ZMAT4: variants seen among roughly 807,000 people sequenced by gnomAD.
The protein encoded by ZMAT4 is zinc finger matrin-type 4.
ZMAT4 carries 17 observed loss-of-function variants against 28.7 expected under a neutral mutation model. The ratio of observed to expected loss-of-function variants is 0.59; its 90% CI spans 0.41 to 0.89. The LOEUF (loss-of-function observed/expected upper bound fraction) is 0.89, where lower values mean the gene tolerates loss of function less well. Among genes scored for constraint, ZMAT4 ranks in the 40% least tolerant of loss-of-function variants. ZMAT4 has a pLI of 0.00. For missense variants in ZMAT4, 240 were observed against 283.8 expected (o/e 0.85, Z 1.11); for synonymous variants, 117 against 109.2 (o/e 1.07, Z -0.44).
intron 1 of ZMAT4, among the ~76,000 whole-genome samples, chr8:40,858,188 G>C (rs972549774): frequency 6.6e-6 from 1 of 152,202 alleles, no homozygotes; most frequent in Non-Finnish European, 1.5e-5. Flanking sequence ...ATGAAAACGG[G>C]AATGTCAAAG....
intron 5 of ZMAT4, among the ~76,000 whole-genome samples, chr8:40,649,132 A>G (rs1362535518): frequency 4.9e-5 from 5 of 102,232 alleles, no homozygotes; most frequent in African/African-American, 1.4e-4. Flanking sequence ...AGACTGGCAA[A>G]TTGGATAAAG....
At chr8:40,788,205 A>G (rs1331116389) in intron 2 of ZMAT4, among the ~76,000 whole-genome samples, 1 of 152,336 alleles carries the variant, frequency 6.6e-6, no homozygotes, top group Non-Finnish European at 1.5e-5. Context: ...AATAATAATC[A>G]GGTAATATTA....
At chr8:40,579,132 T>C (rs1031361212) in intron 6 of ZMAT4, among the ~76,000 whole-genome samples, 6 of 152,212 alleles carry the variant, frequency 3.9e-5, no homozygotes, top group South Asian at 2.1e-4. Flanking sequence ...CTAGCACAGA[T>C]TCTAGCCCAT....
At chr8:40,643,370 C>T (rs1052329635) in intron 5 of ZMAT4, among the ~76,000 whole-genome samples, 4 of 152,256 alleles carry the variant, frequency 2.6e-5, no homozygotes, top group Admixed American at 2.0e-4. Flanking sequence ...AAAATAAATA[C>T]ATATTTGACA....
At chr8:40,708,528 C>T (rs1810459917) in intron 3 of ZMAT4, among the ~76,000 whole-genome samples, 2 of 150,284 alleles carry the variant, frequency 1.3e-5, no homozygotes, top group African/African-American at 2.5e-5. Context: ...CCATTCTGTT[C>T]TTAAACACTA....
chr8:40,697,397 C>A lies in ZMAT4; in HGVS notation c.197G>T (p.Ser66Ile), dbSNP rs1260273781. 5 of 1,581,628 alleles carry A rather than the reference C, an allele frequency of 3.2e-6. No individual in the cohort carries two copies. The highest frequency in any genetic ancestry group is 3.6e-5 in the Admixed American group (2 of 56,316). Reference protein sequence around the residue: ...PAKRLRSENGSDADMVDKNKC... With the variant: ...PAKRLRSENGIDADMVDKNKC... ...GTTCTTATCCACCATGTCGGCATCA[C>A]TTCCCTGCGCAGGGAGAAAGAAAGG... Residue 66 changes from serine (S) to isoleucine (I), a missense_variant, in exon 4 of 7, where the codon AGT becomes ATT. Coordinates refer to ENST00000297737, the MANE Select transcript of ZMAT4 (RefSeq NM_024645.3).
intron 3 of ZMAT4, among the ~76,000 whole-genome samples, chr8:40,715,661 G>A (rs1021887732): frequency 6.6e-6 from 1 of 152,176 alleles, no homozygotes; most frequent in Non-Finnish European, 1.5e-5. Flanking sequence ...CAGATGAAAG[G>A]GGAGAGAGAG....
At chr8:40,674,648 G>T in intron 5 of ZMAT4, 56 bp downstream of exon 5, 5 of 1,381,674 alleles carry the variant, frequency 3.6e-6, no homozygotes, top group African/African-American at 1.4e-5. Flanking sequence ...TGTGAAAGCC[G>T]CATCTTTTCT....
At chr8:40,674,080 C>CTTTTTTTT (rs59753899) in intron 5 of ZMAT4, among the ~76,000 whole-genome samples, 2 of 107,256 alleles carry the variant, frequency 1.9e-5, no homozygotes, top group Non-Finnish European at 3.5e-5. Context: ...TTTTTATCAT[C>CTTTTTTTT]TTTTTTTTTT....
chr8:40,699,302 T>G (rs997995536), intron 3 of ZMAT4, among the ~76,000 whole-genome samples: 11 of 152,128 alleles, frequency 7.2e-5, no homozygotes, highest in Non-Finnish European at 1.0e-4. Flanking sequence ...AGGATATATA[T>G]TTGTCTCACT....
chr8:40,553,756 C>T (rs72636919), intron 6 of ZMAT4, among the ~76,000 whole-genome samples: 6,068 of 152,230 alleles, frequency 0.04, 147 homozygotes, highest in South Asian at 0.094. Flanking sequence ...GAATTTCAAA[C>T]CAACATGATT....
chr8:40,554,401 A>T (rs1325476177), intron 6 of ZMAT4, among the ~76,000 whole-genome samples: 3 of 152,096 alleles, frequency 2.0e-5, no homozygotes, highest in African/African-American at 7.2e-5. Context: ...TAATTAACTA[A>T]GTACTTAATT....
At chr8:40,756,442 A>ATATATATATACATATATATATAAAG (rs1554551517) in intron 3 of ZMAT4, among the ~76,000 whole-genome samples, 12 of 124,990 alleles carry the variant, frequency 9.6e-5, no homozygotes, top group African/African-American at 3.5e-4. Context: ...ATATATATAT[A>ATATATATATACATATATATATAAAG]TATATATATA....
intron 3 of ZMAT4, among the ~76,000 whole-genome samples, chr8:40,697,610 G>T (rs1361946554): frequency 6.6e-6 from 1 of 151,998 alleles, no homozygotes; most frequent in African/African-American, 2.4e-5. Context: ...TGCAGAAAGT[G>T]CAGGTTTGTT....
In ZMAT4 at chr8:40,772,624, TC is replaced by T. The variant is rs80184908; in HGVS notation, c.103-4895del. Among the ~76,000 whole-genome samples, 1,299 of 152,318 alleles carry T rather than the reference TC, an allele frequency of 8.5e-3. 98 individuals are homozygous for T. The East Asian group carries it at 0.19, about 22-fold the overall frequency. On this transcript the variant is annotated intron_variant, in intron 2 of 6. Coordinates refer to ENST00000297737, the MANE Select transcript of ZMAT4 (RefSeq NM_024645.3). ...CTTCCACCTTCATCATCTTATTTCA[TC>T]CCCGAATCACAGTTGTGAGGCTGGC...
intron 3 of ZMAT4, among the ~76,000 whole-genome samples, chr8:40,720,526 T>C (rs113637767): frequency 3.2e-4 from 44 of 139,480 alleles, no homozygotes; most frequent in African/African-American, 1.3e-3. Context: ...GTAGAATCTT[T>C]TTTTTTTTTT....
At chr8:40,796,940 C>G (rs1760423074) in intron 2 of ZMAT4, among the ~76,000 whole-genome samples, 1 of 152,226 alleles carries the variant, frequency 6.6e-6, no homozygotes, top group African/African-American at 2.4e-5. Context: ...AACTGGCTAA[C>G]TGGCCCCTCC....
intron 3 of ZMAT4, among the ~76,000 whole-genome samples, chr8:40,763,897 A>AC (rs1485836006): frequency 9.2e-5 from 14 of 151,974 alleles, no homozygotes; most frequent in South Asian, 8.3e-4. Flanking sequence ...AATTATCTTA[A>AC]CCCCACATAA....
chr8:40,820,644 C>T (rs1044738755), intron 2 of ZMAT4, among the ~76,000 whole-genome samples: 2 of 76,112 alleles, frequency 2.6e-5, no homozygotes, highest in South Asian at 5.7e-4. Context: ...GGGAGTGTCT[C>T]GGGCATGTGT....
Sources: allele counts gnomAD v4.1 joint callset (sites outside exome capture counted in the v4.1 genomes callset), GRCh38; gene constraint gnomAD v4.1.1; transcripts MANE v1.5; gene names NCBI Gene and HGNC (gene_info 2026-07-23, HGNC 2026-07-21).